The following PPARGC1A variants were observed in gnomAD, a reference collection of about 807,000 sequenced individuals.
PPARGC1A encodes the protein peroxisome proliferator-activated receptor gamma coactivator 1-alpha.
A neutral mutation model predicts 88.7 loss-of-function variants in PPARGC1A; 25 were observed. The observed-to-expected ratio is 0.28, with a 90% CI of 0.21 to 0.39. The LOEUF (loss-of-function observed/expected upper bound fraction) is 0.39, where lower values mean the gene tolerates loss of function less well. PPARGC1A is among the 10% of genes least tolerant of loss of function. PPARGC1A has a pLI of 1.00. For synonymous variants in PPARGC1A, 363 were observed against 355.6 expected, an observed-to-expected ratio of 1.02 and a Z score of -0.24; for missense variants, 880 against 968.7, an observed-to-expected ratio of 0.91 and a Z score of 1.22.
intron 1 of PPARGC1A, among the ~76,000 whole-genome samples, chr4:23,899,084 C>CT (rs1491313094): frequency 9.9e-4 from 4 of 4,050 alleles, no homozygotes; most frequent in Admixed American, 3.2e-3. Context: ...TGATGATCCA[C>CT]CCCCCCCCGG....
At chr4:24,054,317 A>AC in the PPARGC1A span, among the ~76,000 whole-genome samples, 30 of 151,988 alleles carry the variant, frequency 2.0e-4, 1 homozygote, top group African/African-American at 6.8e-4. Context: ...GTAAAAAAAA[A>AC]AAAAAAAAAC....
intron 10 of PPARGC1A, among the ~76,000 whole-genome samples, chr4:23,803,388 A>C (rs1395824802): frequency 6.6e-6 from 1 of 152,192 alleles, no homozygotes; most frequent in Non-Finnish European, 1.5e-5. Flanking sequence ...TATAAATTTC[A>C]CTTTGCCAAT....
chr4:24,151,124 C>A, the PPARGC1A span, among the ~76,000 whole-genome samples: 1 of 152,216 alleles, frequency 6.6e-6, no homozygotes, highest in Non-Finnish European at 1.5e-5. Flanking sequence ...CCAGCCAGCA[C>A]CTTTTGCATT....
At chr4:24,091,279 A>G in the PPARGC1A span, among the ~76,000 whole-genome samples, 1 of 152,248 alleles carries the variant, frequency 6.6e-6, no homozygotes, top group African/African-American at 2.4e-5. Flanking sequence ...TTGACAATCT[A>G]GAGTAAATGT....
intron 2 of PPARGC1A, among the ~76,000 whole-genome samples, chr4:23,855,317 T>C (rs747850682): frequency 1.4e-4 from 22 of 152,204 alleles, no homozygotes; most frequent in Non-Finnish European, 2.6e-4. Flanking sequence ...ACTGTCTTAT[T>C]TGAATCTGGC....
the PPARGC1A span, among the ~76,000 whole-genome samples, chr4:24,155,275 C>A: frequency 6.6e-6 from 1 of 151,790 alleles, no homozygotes; most frequent in Non-Finnish European, 1.5e-5. Flanking sequence ...ACAAATCAAT[C>A]TGTGAAGTAT....
the PPARGC1A span, among the ~76,000 whole-genome samples, chr4:24,239,954 C>T: frequency 6.6e-6 from 1 of 152,102 alleles, no homozygotes; most frequent in African/African-American, 2.4e-5. Flanking sequence ...TCTCTGATCT[C>T]TCCCACCCGC....
chr4:23,839,580 C>A (rs1311039871), intron 2 of PPARGC1A, among the ~76,000 whole-genome samples: 2 of 152,174 alleles, frequency 1.3e-5, no homozygotes, highest in Admixed American at 1.3e-4. Flanking sequence ...AGTGAAACAA[C>A]TCAACTCTCT....
the PPARGC1A span, among the ~76,000 whole-genome samples, chr4:24,423,164 A>G: frequency 1.3e-5 from 2 of 152,194 alleles, 1 homozygote; most frequent in South Asian, 4.1e-4. Context: ...TGGCATAGAC[A>G]AAAATCATTG....
At chr4:24,247,982 T>C in the PPARGC1A span, among the ~76,000 whole-genome samples, 6 of 152,218 alleles carry the variant, frequency 3.9e-5, no homozygotes, top group Middle Eastern at 3.4e-3. Context: ...CCAAAAGATA[T>C]CTGTGGCATT....
At chr4:23,879,969 A>G (rs1337173660) in intron 2 of PPARGC1A, 1 of 152,158 alleles carries the variant, frequency 6.6e-6, no homozygotes, top group Non-Finnish European at 1.5e-5. Context: ...CGTCTATGAA[A>G]ACGCTCTGCT....
chr4:23,844,393 ATAT>A (rs1191266262), intron 2 of PPARGC1A, among the ~76,000 whole-genome samples: 2 of 131,692 alleles, frequency 1.5e-5, no homozygotes, highest in Non-Finnish European at 3.1e-5. Context: ...ATGACAATCT[ATAT>A]TATTTATCAT....
the PPARGC1A span, among the ~76,000 whole-genome samples, chr4:24,004,393 A>C: frequency 2.0e-5 from 3 of 152,234 alleles, no homozygotes; most frequent in Admixed American, 2.0e-4. Flanking sequence ...GTGACTTTAG[A>C]GATCAAAGTC....
the PPARGC1A span, among the ~76,000 whole-genome samples, chr4:24,303,793 A>G: frequency 5.3e-5 from 8 of 152,240 alleles, no homozygotes; most frequent in Admixed American, 2.6e-4. Context: ...AAGAAGAAAA[A>G]AAAGCAAAAA....
the PPARGC1A span, among the ~76,000 whole-genome samples, chr4:24,081,548 A>C: frequency 6.6e-6 from 1 of 152,170 alleles, no homozygotes; most frequent in Admixed American, 6.6e-5. Context: ...TTAGCATAGG[A>C]AACATGAAGA....
At chr4:24,314,209 C>T in the PPARGC1A span, among the ~76,000 whole-genome samples, 3 of 152,192 alleles carry the variant, frequency 2.0e-5, no homozygotes, top group Non-Finnish European at 4.4e-5. Flanking sequence ...ACGGACTGAG[C>T]ATTTCACTTT....
chr4:23,964,063 T>C, the PPARGC1A span, among the ~76,000 whole-genome samples: 3 of 152,214 alleles, frequency 2.0e-5, no homozygotes, highest in Non-Finnish European at 2.9e-5. Context: ...ATGAGATTAA[T>C]GTAAAGCAAA....
chr4:24,213,197 T>C, the PPARGC1A span, among the ~76,000 whole-genome samples: 7 of 145,784 alleles, frequency 4.8e-5, no homozygotes, highest in East Asian at 1.2e-3. Flanking sequence ...GACAGAGCCT[T>C]GCTCTGTCGC....
chr4:23,802,607 G>T (rs1375695273), intron 10 of PPARGC1A, among the ~76,000 whole-genome samples: 1 of 148,816 alleles, frequency 6.7e-6, no homozygotes, highest in African/African-American at 2.5e-5. Context: ...AACCCGGGAG[G>T]CAGAGGTTGC....
Sources: allele counts gnomAD v4.1 joint callset (sites outside exome capture counted in the v4.1 genomes callset), GRCh38; gene constraint gnomAD v4.1.1; transcripts MANE v1.5; gene names NCBI Gene and HGNC (gene_info 2026-07-23, HGNC 2026-07-21).